Variants in IMMP2L observed in about 807,000 individuals in gnomAD.
The protein encoded by IMMP2L is mitochondrial inner membrane protease subunit 2.
Under a neutral mutation model 19.3 loss-of-function variants are expected in IMMP2L, and 18 were observed. That is an observed-to-expected ratio of 0.93 (90% CI 0.64 to 1.38). IMMP2L has a LOEUF of 1.38. Ranked by LOEUF, IMMP2L falls within the 40% of genes most tolerant of loss-of-function variation. The pLI is 0.00. For synonymous variants in IMMP2L, 76 were observed against 73.0 expected (o/e 1.04, Z -0.21); for missense variants, 233 against 218.2 (o/e 1.07, Z -0.43).
intron 1 of IMMP2L, among the ~76,000 whole-genome samples, chr7:111,541,576 T>C (rs1272458052): frequency 6.6e-6 from 1 of 152,188 alleles, no homozygotes; most frequent in East Asian, 1.9e-4. Flanking sequence ...TAATCTGATC[T>C]CTCCCATTTT....
chr7:110,700,085 T>G (rs113533469), intron 5 of IMMP2L, among the ~76,000 whole-genome samples: 1 of 152,164 alleles, frequency 6.6e-6, no homozygotes, highest in African/African-American at 2.4e-5. Flanking sequence ...ACTTTGATTA[T>G]AGCCTTGTGA....
intron 3 of IMMP2L, among the ~76,000 whole-genome samples, chr7:111,401,771 G>C (rs1338717989): frequency 6.6e-6 from 1 of 152,056 alleles, no homozygotes; most frequent in African/African-American, 2.4e-5. Flanking sequence ...CAGATGGAAG[G>C]AATAACTTGA....
intron 5 of IMMP2L, among the ~76,000 whole-genome samples, chr7:110,836,385 G>A (rs1413445992): frequency 6.6e-6 from 1 of 152,170 alleles, no homozygotes; most frequent in Non-Finnish European, 1.5e-5. Context: ...ATACCCAGTA[G>A]GAGGTAATTG....
chr7:111,333,431 G>A (rs965343525), intron 3 of IMMP2L, among the ~76,000 whole-genome samples: 8 of 152,128 alleles, frequency 5.3e-5, no homozygotes, highest in African/African-American at 1.9e-4. Context: ...GTTTTATTAT[G>A]TTAGGCATAA....
rs867109781 is a variant in IMMP2L, at chr7:110,962,843, T to C, written c.305+657A>G. On this transcript the variant is annotated intron_variant, in intron 4 of 5. Coordinates refer to ENST00000405709, the MANE Select transcript of IMMP2L (RefSeq NM_032549.4). ...AATGTAGTAGTCAAAGCATTTTGGC[T>C]ACCACATTGTATAGGCCTGGCTACA... The C allele has an allele frequency of 1.4e-5, 17 of 1,243,960 alleles. No individual in the cohort carries two copies. In the South Asian group the frequency reaches 4.6e-4, roughly 34 times the overall value. 77.1% of individuals were successfully genotyped at this position (1,243,960 alleles called of 1,614,324 possible). A position where few individuals can be genotyped will look rare whatever the true frequency, so the allele number is the denominator to read the frequency against.
intron 3 of IMMP2L, among the ~76,000 whole-genome samples, chr7:110,992,974 A>G (rs1822646831): frequency 6.6e-6 from 1 of 152,284 alleles, no homozygotes; most frequent in South Asian, 2.1e-4. Context: ...AAAGAGGTAC[A>G]TAATGTAAAA....
chr7:111,547,019 G>GAC (rs1226108915), intron 1 of IMMP2L, among the ~76,000 whole-genome samples: 1 of 152,124 alleles, frequency 6.6e-6, no homozygotes, highest in Non-Finnish European at 1.5e-5. Flanking sequence ...AGCCAGGTAG[G>GAC]ATAGGTCTTT....
At chr7:111,225,990 A>G (rs1451199297) in intron 3 of IMMP2L, among the ~76,000 whole-genome samples, 2 of 152,056 alleles carry the variant, frequency 1.3e-5, no homozygotes, top group African/African-American at 4.8e-5. Flanking sequence ...ATGAACATCT[A>G]CCTCATTTAA....
chr7:111,351,235 G>A (rs1287176900), intron 3 of IMMP2L, among the ~76,000 whole-genome samples: 1 of 152,102 alleles, frequency 6.6e-6, no homozygotes, highest in African/African-American at 2.4e-5. Flanking sequence ...CTGTCACCCA[G>A]GCTGGAGTGC....
At chr7:111,366,632 A>G (rs559487203) in intron 3 of IMMP2L, among the ~76,000 whole-genome samples, 5 of 152,164 alleles carry the variant, frequency 3.3e-5, no homozygotes, top group African/African-American at 1.2e-4. Flanking sequence ...ACTGGATATT[A>G]TACTGTGATT....
intron 3 of IMMP2L, among the ~76,000 whole-genome samples, chr7:111,416,212 T>C (rs1224524687): frequency 6.6e-6 from 1 of 151,882 alleles, no homozygotes; most frequent in Non-Finnish European, 1.5e-5. Context: ...TTATATACGA[T>C]GCTTGAAAGG....
chr7:111,284,151 G>C (rs1052130450), intron 3 of IMMP2L, among the ~76,000 whole-genome samples: 8 of 147,886 alleles, frequency 5.4e-5, no homozygotes, highest in African/African-American at 2.1e-4. Flanking sequence ...TCAATGCTGG[G>C]AACACTGCAG....
At chr7:110,858,819 C>G (rs1024052136) in intron 5 of IMMP2L, among the ~76,000 whole-genome samples, 2 of 151,590 alleles carry the variant, frequency 1.3e-5, no homozygotes, top group African/African-American at 4.8e-5. Context: ...TGTTCTCATT[C>G]TTCAATTCCC....
chr7:111,074,661 C>T (rs1795235807), intron 3 of IMMP2L, among the ~76,000 whole-genome samples: 1 of 152,186 alleles, frequency 6.6e-6, no homozygotes, highest in African/African-American at 2.4e-5. Flanking sequence ...TAATGTTCTT[C>T]CTAATGGGGC....
intron 4 of IMMP2L, among the ~76,000 whole-genome samples, chr7:110,911,208 C>T (rs1813022672): frequency 6.6e-6 from 1 of 152,012 alleles, no homozygotes; most frequent in Non-Finnish European, 1.5e-5. Flanking sequence ...ATGGTGTGCA[C>T]TCTCATAGCC....
chr7:110,765,060 T>C (rs996740394), intron 5 of IMMP2L, among the ~76,000 whole-genome samples: 3 of 152,080 alleles, frequency 2.0e-5, no homozygotes, highest in Non-Finnish European at 4.4e-5. Context: ...CTAGACATTT[T>C]GCCGCTATAT....
chr7:110,903,726 T>C (rs1585204059), intron 4 of IMMP2L, among the ~76,000 whole-genome samples: 1 of 152,164 alleles, frequency 6.6e-6, no homozygotes, highest in African/African-American at 2.4e-5. Context: ...TAGGAGTGCA[T>C]ATATTTCTTT....
At chr7:110,669,250 T>A (rs1449606015) in intron 5 of IMMP2L, among the ~76,000 whole-genome samples, 1 of 151,840 alleles carries the variant, frequency 6.6e-6, no homozygotes, top group Non-Finnish European at 1.5e-5. Context: ...GCAGTTCGAG[T>A]CCAAAGGCAG....
chr7:110,790,685 T>G (rs1800403469), intron 5 of IMMP2L, among the ~76,000 whole-genome samples: 1 of 151,538 alleles, frequency 6.6e-6, no homozygotes, highest in Non-Finnish European at 1.5e-5. Context: ...CACTTCGGAG[T>G]AGGTTTACTT....
Sources: allele counts gnomAD v4.1 joint callset (sites outside exome capture counted in the v4.1 genomes callset), GRCh38; gene constraint gnomAD v4.1.1; transcripts MANE v1.5; gene names NCBI Gene and HGNC (gene_info 2026-07-23, HGNC 2026-07-21).